TENM4: variants seen among roughly 807,000 people sequenced by gnomAD.
TENM4 encodes teneurin-4.
A neutral mutation model predicts 243.3 loss-of-function variants in TENM4; 82 were observed. That is an observed-to-expected ratio of 0.34 (90% CI 0.28 to 0.40). TENM4 has a LOEUF of 0.40. Among genes scored for constraint, TENM4 ranks in the 10% least tolerant of loss-of-function variants. The probability of loss-of-function intolerance (pLI) is 1.00; values close to 1 mark genes in which losing one functional copy is unlikely to be tolerated. For missense variants in TENM4, 3,138 were observed against 3,673.3 expected (o/e 0.85, Z 3.77); for synonymous variants, 1,412 against 1,456.3 (o/e 0.97, Z 0.69).
intron 1 of TENM4, among the ~76,000 whole-genome samples, chr11:79,310,043 A>G (rs539099327): frequency 1.3e-5 from 2 of 152,108 alleles, no homozygotes; most frequent in African/African-American, 2.4e-5. Context: ...AACACATGCC[A>G]CATGGAATTA....
At chr11:78,752,505 T>C (rs919377428) in intron 19 of TENM4, among the ~76,000 whole-genome samples, 2 of 152,230 alleles carry the variant, frequency 1.3e-5, no homozygotes, top group Non-Finnish European at 2.9e-5. Context: ...CTTTCCTTGC[T>C]GGTCTCAGAA....
At chr11:79,316,427 C>G in intron 1 of TENM4, among the ~76,000 whole-genome samples, 1 of 152,134 alleles carries the variant, frequency 6.6e-6, no homozygotes, top group East Asian at 1.9e-4. Context: ...AATATGGGTA[C>G]AGCTTGGCGA....
chr11:79,373,503 T>C (rs1183766931), intron 1 of TENM4, among the ~76,000 whole-genome samples: 1 of 151,922 alleles, frequency 6.6e-6, no homozygotes, highest in African/African-American at 2.4e-5. Flanking sequence ...GATAGGTGAA[T>C]GAATTCATGG....
chr11:78,822,042 G>C (rs1204402184), intron 12 of TENM4, among the ~76,000 whole-genome samples: 2 of 152,180 alleles, frequency 1.3e-5, no homozygotes, highest in Non-Finnish European at 2.9e-5. Flanking sequence ...TTAGCTGAAT[G>C]ACTAAAACGA....
chr11:79,035,686 T>C (rs1859358644), intron 6 of TENM4, among the ~76,000 whole-genome samples: 1 of 152,250 alleles, frequency 6.6e-6, no homozygotes, highest in African/African-American at 2.4e-5. Context: ...GTTTATTCTA[T>C]GCTGTGTTGT....
In TENM4 at chr11:78,907,343, G is replaced by A. The variant is rs141531402; in HGVS notation, c.494-3820C>T. ...TATCCCCCGACAAATATGCACCCTC[G>A]TCTTTGGAGGGAATCTCAGAATCAG... is the stretch of plus-strand genomic sequence containing the variant. On this transcript the variant is annotated intron_variant, in intron 6 of 33. Coordinates refer to ENST00000278550, the MANE Select transcript of TENM4 (RefSeq NM_001098816.3). 2.5e-4 allele frequency among the ~76,000 whole-genome samples: 38 copies of A among 150,600 alleles called. 1 individual carries two copies. The South Asian group carries it at 4.4e-3, about 17-fold the overall frequency.
At position 78,721,185 on chromosome 11, in the gene TENM4, C is replaced by T. The variant is rs145956700; in HGVS notation, c.3801-795G>A. ...TATATGCAGTTGACTGACACAAATA[C>T]GCTCAAAGAATCCTTCTTCCTTGAC... On this transcript the variant is annotated intron_variant, in intron 24 of 33. Coordinates refer to ENST00000278550, the MANE Select transcript of TENM4 (RefSeq NM_001098816.3). 5.5e-3 allele frequency among the ~76,000 whole-genome samples: 831 copies of T among 152,320 alleles called. 12 individuals are homozygous for T. The highest frequency in any genetic ancestry group is 0.019 in the African/African-American group (776 of 41,572).
At chr11:78,855,824 G>C (rs1858667350) in intron 11 of TENM4, 140 bp downstream of exon 11, 6 of 783,440 alleles carry the variant, frequency 7.7e-6, no homozygotes, top group South Asian at 1.9e-5. Context: ...GGGTCTGAGA[G>C]GGACTACATG....
chr11:79,138,723 T>TATTTATATAAATACATAAAACATAC (rs1862176484), intron 4 of TENM4, among the ~76,000 whole-genome samples: 1 of 112,068 alleles, frequency 8.9e-6, no homozygotes, highest in African/African-American at 3.7e-5. Flanking sequence ...ACATACATTA[T>TATTTATATAAATACATAAAACATAC]ATTTATATAA....
At chr11:78,779,219 A>C (rs773588885) in intron 16 of TENM4, among the ~76,000 whole-genome samples, 1 of 152,222 alleles carries the variant, frequency 6.6e-6, no homozygotes, top group Non-Finnish European at 1.5e-5. Context: ...TTCCATGTAC[A>C]CATGTGCCCA....
At chr11:79,200,125 C>A (rs1863709748) in intron 3 of TENM4, among the ~76,000 whole-genome samples, 1 of 152,194 alleles carries the variant, frequency 6.6e-6, no homozygotes, top group Non-Finnish European at 1.5e-5. Flanking sequence ...TCATTTCTGC[C>A]CTCTAAAAAT....
chr11:78,814,348 T>C lies in TENM4; in HGVS notation c.1729A>G (p.Ile577Val). 2.6e-6 allele frequency: 4 copies of C among 1,550,572 alleles called. No individual in the cohort carries two copies. Among genetic ancestry groups the C allele is most frequent in the Non-Finnish European group, 3.5e-6 (4 of 1,146,498 alleles). The change falls in exon 13 of 34, where the codon ATC becomes GTC. Residue 577 changes from isoleucine (I) to valine (V), a missense_variant. By Grantham distance (29) the Ile-to-Val change is conservative (BLOSUM62 3). Around this residue, in one of 2 missense-constraint regions of TENM4, gnomAD observed 2,467 missense variants for 3,059.1 expected, o/e 0.81. Transcript: ENST00000278550. ...AGGAAGCAGTGGCAGGTCCCAGAGA[T>C]GCAGTCACCATTGCCATAGCAGTTG... ...PSNCYGNGDC[I>V]SGTCHCFLGF...
chr11:79,415,886 T>C lies in TENM4; in HGVS notation c.-321+24623A>G, dbSNP rs536131692. On this transcript the variant is annotated intron_variant, in intron 1 of 33. Transcript: ENST00000278550. The stretch of plus-strand genomic sequence containing the variant: ...CAAATTTCCCCATCCCCCTTGATAA[T>C]CCCTCCCACCCCTTCACCCTCTCCA... Among the ~76,000 whole-genome samples the C allele has an allele frequency of 4.0e-5, 6 of 148,568 alleles. No homozygotes were observed. The East Asian group carries it at 1.2e-3, about 29-fold the overall frequency.
chr11:79,158,363 C>T (rs1318732591), intron 3 of TENM4, among the ~76,000 whole-genome samples: 2 of 152,148 alleles, frequency 1.3e-5, no homozygotes, highest in Non-Finnish European at 2.9e-5. Context: ...ACAGGCAAGA[C>T]CCTGCCTTGG....
intron 6 of TENM4, among the ~76,000 whole-genome samples, chr11:79,002,375 C>T (rs1417052217): frequency 3.3e-5 from 5 of 152,358 alleles, no homozygotes; most frequent in Admixed American, 2.6e-4. Flanking sequence ...TGCCCCTTCC[C>T]TGATGAGGTG....
chr11:79,087,627 A>C (rs993080165), intron 4 of TENM4, among the ~76,000 whole-genome samples: 1 of 152,212 alleles, frequency 6.6e-6, no homozygotes, highest in African/African-American at 2.4e-5. Flanking sequence ...CATGTTCCTT[A>C]GTGAGGGATC....
intron 3 of TENM4, among the ~76,000 whole-genome samples, chr11:79,165,906 C>A (rs957397356): frequency 6.6e-6 from 1 of 152,182 alleles, no homozygotes; most frequent in Non-Finnish European, 1.5e-5. Flanking sequence ...GTCCTTTCCC[C>A]ACTTTATGTT....
intron 6 of TENM4, among the ~76,000 whole-genome samples, chr11:78,963,058 G>A (rs1857366232): frequency 6.6e-6 from 1 of 152,200 alleles, no homozygotes; most frequent in Admixed American, 6.5e-5. Context: ...CATAATGCCT[G>A]GCACATAGTA....
chr11:79,362,382 G>A (rs1380063405), intron 1 of TENM4, among the ~76,000 whole-genome samples: 2 of 152,084 alleles, frequency 1.3e-5, no homozygotes, highest in Admixed American at 6.5e-5. Context: ...CTGTATACAC[G>A]GAAATAGGAT....
Sources: gnomAD v4.1 joint callset for allele counts (sites outside exome capture counted in the v4.1 genomes callset) on GRCh38, gnomAD v4.1.1 for gene constraint, gnomAD v4.1.1 regional missense constraint, MANE v1.5 for transcripts, NCBI Gene and HGNC (gene_info 2026-07-23, HGNC 2026-07-21) for gene names.